The following NIT1 variants were observed in gnomAD, a reference collection of about 807,000 sequenced individuals.
NIT1 encodes deaminated glutathione amidase.
NIT1 carries 30 observed loss-of-function variants against 36.8 expected under a neutral mutation model. The ratio of observed to expected loss-of-function variants is 0.82; its 90% CI spans 0.61 to 1.11. The LOEUF (loss-of-function observed/expected upper bound fraction) is 1.11, where lower values mean the gene tolerates loss of function less well. NIT1 is among the 50% of genes least tolerant of loss of function. The probability of loss-of-function intolerance (pLI) is 0.00; values close to 1 mark genes in which losing one functional copy is unlikely to be tolerated. For missense variants in NIT1, 438 were observed against 410.6 expected, an observed-to-expected ratio of 1.07 and a Z score of -0.58; for synonymous variants, 151 against 155.6, an observed-to-expected ratio of 0.97 and a Z score of 0.22.
At chr1:161,123,635 CAA>C (rs35678373), downstream of NIT1, among the ~76,000 whole-genome samples, 98 of 88,910 alleles carry the variant, frequency 1.1e-3, no homozygotes, top group Non-Finnish European at 1.7e-3. Flanking sequence ...GACTCTGTCT[CAA>C]AAAAAAAAAA....
At chr1:161,124,058 C>T, downstream of NIT1, 1 of 1,578,044 alleles carries the variant, frequency 6.3e-7, no homozygotes, top group Middle Eastern at 1.7e-4. Context: ...ATCAATGTGT[C>T]CTCCCCTTTG....
At chr1:161,124,502 C>T (rs1655944929), downstream of NIT1, 1 of 1,568,442 alleles carries the variant, frequency 6.4e-7, no homozygotes, top group African/African-American at 1.3e-5. Flanking sequence ...AGAATCCCTG[C>T]TCAGCAGCTG....
intron 1 of NIT1, 33 bp from the exon 2 acceptor site, chr1:161,118,753 G>A (rs754976434): frequency 1.0e-5 from 16 of 1,534,008 alleles, no homozygotes; most frequent in Admixed American, 1.0e-4. Flanking sequence ...GCTTGAAGAA[G>A]GGGTTGGTGT....
In NIT1 at chr1:161,121,013, G is replaced by C; in HGVS notation, c.*248G>C. ...CATTGTTTATTTCATGGAAACTGAA[G>C]TTCTGCTGAGGGCTGAGCAGCACTG... On this transcript the variant is annotated 3_prime_UTR_variant, in exon 7 of 7. Coordinates refer to ENST00000368009, the MANE Select transcript of NIT1 (RefSeq NM_005600.3). 2.2e-6 allele frequency: 3 copies of C among 1,377,672 alleles called. No homozygotes were observed. Among genetic ancestry groups the C allele is most frequent in the Non-Finnish European group, 2.8e-6 (3 of 1,065,442 alleles). 85.3% of individuals were successfully genotyped at this position (1,377,672 alleles called of 1,614,324 possible).
downstream of NIT1, chr1:161,125,120 CTG>C (rs1656027328): frequency 6.6e-6 from 1 of 152,194 alleles, no homozygotes; most frequent in African/African-American, 2.4e-5. Context: ...TAAATTCTGA[CTG>C]TATCACTGAA....
downstream of NIT1, chr1:161,124,007 C>T (rs934250818): frequency 1.1e-5 from 18 of 1,593,018 alleles, no homozygotes; most frequent in Non-Finnish European, 1.3e-5. Flanking sequence ...TCAGTCCAAA[C>T]CCCCAGTGGG....
chr1:161,124,025 A>G (rs1001725631), downstream of NIT1: 8 of 1,584,478 alleles, frequency 5.0e-6, no homozygotes, highest in Admixed American at 1.7e-5. Context: ...GGGCCTCACA[A>G]CTTACTCTAA....
rs747854660 is a variant in NIT1 at position 161,119,927 on chromosome 1, C to T, written c.566C>T (p.Ser189Leu). 2.5e-6 allele frequency: 4 copies of T among 1,611,054 alleles called. No homozygotes were observed. The Admixed American group carries it at 6.7e-5, about 27-fold the overall frequency. ...ACCATGCCTGGGCCCAGTCTTGAGT[C>T]ACCTGTCAGCACACCAGCAGGCAAG... ...NSTMPGPSLE[S>L]PVSTPAGKIG... Residue 189 changes from serine (S) to leucine (L), a missense_variant, in exon 5 of 7, where the codon TCA becomes TTA. By Grantham distance (145) the Ser-to-Leu change is moderately radical. Transcript: ENST00000368009.
At chr1:161,119,015 C>A in intron 2 of NIT1, 119 bp from the exon 3 acceptor site, 1 of 1,401,638 alleles carries the variant, frequency 7.1e-7, no homozygotes, top group South Asian at 1.2e-5. Context: ...GTCAACGTGC[C>A]CTGTAAGAGC....
chr1:161,124,527 C>T, downstream of NIT1: 1 of 1,546,134 alleles, frequency 6.5e-7, no homozygotes, highest in Non-Finnish European at 8.7e-7. Context: ...CCCCACCGTA[C>T]TGAAAGGGCA....
chr1:161,122,919 C>A, downstream of NIT1: 4 of 1,363,444 alleles, frequency 2.9e-6, no homozygotes, highest in Non-Finnish European at 4.2e-6. This position sits in a 1 kb window ranked among gnomAD's most constrained non-coding sequence, Gnocchi z 4.2. Context: ...TCATAAAGAG[C>A]AGTTCTTCCA....
rs1802399 is a variant in NIT1 at position 161,120,732 on chromosome 1, C to T, written c.951C>T (p.Asp317=). The change falls in exon 7 of 7, where the codon GAC becomes GAT. Residue 317 remains aspartate (D), a synonymous_variant. Coordinates refer to ENST00000368009, the MANE Select transcript of NIT1 (RefSeq NM_005600.3). ...HLPVFQHRRP[D]LYGNLGHPLS is the part of the protein sequence containing the mutation. Reference sequence around the variant, plus strand: ...CTGTGTTCCAGCACCGCAGGCCTGACCTCTATGGCAATCTGGGTCACCCAC... The same window carrying T: ...CTGTGTTCCAGCACCGCAGGCCTGATCTCTATGGCAATCTGGGTCACCCAC... 1.7e-4 allele frequency: 277 copies of T among 1,613,760 alleles called. 1 individual carries two copies. The South Asian group carries it at 2.5e-3, about 15-fold the overall frequency.
Position 161,120,745 on chromosome 1 carries a change from C to G in NIT1, c.964C>G (p.Leu322Val). Residue 322 changes from leucine (L) to valine (V), a missense_variant, in exon 7 of 7, where the codon CTG becomes GTG. Coordinates refer to ENST00000368009, the MANE Select transcript of NIT1 (RefSeq NM_005600.3). The stretch of plus-strand genomic sequence containing the variant: ...CCGCAGGCCTGACCTCTATGGCAAT[C>G]TGGGTCACCCACTGTCTTAAGACTT... Reference protein sequence around the residue: ...QHRRPDLYGNLGHPLS With the variant: ...QHRRPDLYGNVGHPLS 1 of 1,613,560 alleles carries G rather than the reference C, an allele frequency of 6.2e-7. No homozygotes were observed.
At position 161,120,672 on chromosome 1, in the gene NIT1, C is replaced by G. The variant is rs1239453796; in HGVS notation, c.891C>G (p.Asp297Glu). 5 of 1,614,192 alleles carry G rather than the reference C, an allele frequency of 3.1e-6. No individual in the cohort carries two copies. Residue 297 changes from aspartate (D) to glutamate (E), a missense_variant, in exon 7 of 7, where the codon GAC (aspartate) becomes GAG (glutamate). By Grantham distance (45) the Asp-to-Glu change is conservative. Coordinates refer to ENST00000368009, the MANE Select transcript of NIT1 (RefSeq NM_005600.3). The stretch of plus-strand genomic sequence containing the variant: ...CAGGCCTCTGCCTTGCCCGAATAGA[C>G]CTCAACTATCTGCGACAGTTGCGCC... Reference protein sequence around the residue: ...EGPGLCLARIDLNYLRQLRRH... With the variant: ...EGPGLCLARIELNYLRQLRRH...
downstream of NIT1, chr1:161,121,588 G>A (rs981092854): frequency 1.9e-5 from 3 of 154,710 alleles, no homozygotes; most frequent in African/African-American, 7.2e-5. Flanking sequence ...ATGGAATGGA[G>A]GAAAGGCGGC....
downstream of NIT1, chr1:161,123,311 C>T: frequency 7.8e-7 from 1 of 1,274,650 alleles, no homozygotes; most frequent in South Asian, 1.3e-5. Flanking sequence ...ATCATTTAGA[C>T]TTAGCACTAA....
At chr1:161,124,215 C>T (rs773422609), downstream of NIT1, 30 of 1,614,216 alleles carry the variant, frequency 1.9e-5, no homozygotes, top group Non-Finnish European at 1.1e-5. Context: ...CAGCACCTGG[C>T]GAAAGTTACT....
downstream of NIT1, chr1:161,125,395 A>G (rs1225286461): frequency 6.6e-6 from 1 of 152,234 alleles, no homozygotes; most frequent in Non-Finnish European, 1.5e-5. Context: ...AAGTTTATCA[A>G]TATTTACCAA....
At chr1:161,118,975 C>A in intron 2 of NIT1, 94 bp downstream of exon 2, 1 of 1,321,814 alleles carries the variant, frequency 7.6e-7, no homozygotes. Context: ...ACTATCCACA[C>A]ATTTGATTGG....
Sources: allele counts gnomAD v4.1 joint callset (sites outside exome capture counted in the v4.1 genomes callset), GRCh38; gene constraint gnomAD v4.1.1; non-coding constraint Gnocchi (gnomAD v3.1); transcripts MANE v1.5; gene names NCBI Gene and HGNC (gene_info 2026-07-23, HGNC 2026-07-21).